PDLIM1: variants seen among roughly 807,000 people sequenced by gnomAD.
The protein encoded by PDLIM1 is PDZ and LIM domain protein 1.
Under a neutral mutation model 35.2 loss-of-function variants are expected in PDLIM1, and 25 were observed. The ratio of observed to expected loss-of-function variants is 0.71; its 90% confidence interval spans 0.52 to 0.99. The LOEUF (loss-of-function observed/expected upper bound fraction) is 0.99. Among genes scored for constraint, PDLIM1 ranks in the 50% least tolerant of loss-of-function variants. The probability of loss-of-function intolerance (pLI) is 0.00; values close to 1 mark genes in which losing one functional copy is unlikely to be tolerated. For synonymous variants in PDLIM1, 152 were observed against 154.0 expected (o/e 0.99, Z 0.10); for missense variants, 363 against 415.3 (o/e 0.87, Z 1.09).
chr10:95,281,093 C>T (rs540959332), intron 1 of PDLIM1, among the ~76,000 whole-genome samples: 3 of 152,188 alleles, frequency 2.0e-5, no homozygotes, highest in Admixed American at 1.3e-4. Flanking sequence ...CTATCTTTTC[C>T]CCTTAAACTC....
intron 5 of PDLIM1, among the ~76,000 whole-genome samples, chr10:95,239,910 T>C (rs2035162322): frequency 6.6e-6 from 1 of 152,134 alleles, no homozygotes; most frequent in Admixed American, 6.5e-5. Context: ...TCACTGATCA[T>C]TAGAGAAATA....
intron 3 of PDLIM1, 94 bp from the exon 4 acceptor site, chr10:95,264,157 AGCT>A: frequency 9.7e-7 from 1 of 1,030,846 alleles, no homozygotes; most frequent in East Asian, 2.5e-5. Context: ...GAGGTGTTCC[AGCT>A]GCTAAGATGG....
At position 95,289,265 on chromosome 10, in the gene PDLIM1, CAAGCATTTATTAAT is replaced by C. The variant is rs548064555; in HGVS notation, c.96+1541_96+1554del. On this transcript the variant is annotated intron_variant, in intron 1 of 6. Coordinates refer to ENST00000329399, the MANE Select transcript of PDLIM1 (RefSeq NM_020992.4). ...GTGCAGACACAATGTCCTCCCTGGACAAGCATTTATTAATAAGCCTGCAAGGATTTACCCAGCCC... is the reference window on the plus strand; with the variant it reads ...GTGCAGACACAATGTCCTCCCTGGACAAGCCTGCAAGGATTTACCCAGCCC... 6.8e-4 allele frequency among the ~76,000 whole-genome samples: 104 copies of C among 152,330 alleles called. 2 individuals carry two copies. The South Asian group carries it at 0.021, about 31-fold the overall frequency.
rs11443591 is a variant in PDLIM1, at chr10:95,269,571, C to CAAA, written c.249-712_249-710dup. On this transcript the variant is annotated intron_variant, in intron 2 of 6. Coordinates refer to ENST00000329399, the MANE Select transcript of PDLIM1 (RefSeq NM_020992.4). Reference sequence around the variant, plus strand: ...TGGGTGACAGAGTGAGACTCCATCCCAAAAAAAAAAAAAAAAGAGAAGAAC... The same window carrying CAAA: ...TGGGTGACAGAGTGAGACTCCATCCCAAAAAAAAAAAAAAAAAAAGAGAAGAAC... Among the ~76,000 whole-genome samples, 67 of 130,318 alleles carry CAAA rather than the reference C, an allele frequency of 5.1e-4. 1 individual carries two copies. The highest frequency in any genetic ancestry group is 1.5e-3 in the African/African-American group (50 of 34,090). The allele number at this position is 130,318 out of a possible 152,430, so 85.5% of individuals were successfully genotyped here. A position where few individuals can be genotyped will look rare whatever the true frequency, so the allele number is the denominator to read the frequency against.
At position 95,290,449 on chromosome 10, in the gene PDLIM1, T is replaced by C. The variant is rs548260922; in HGVS notation, c.96+371A>G. Among the ~76,000 whole-genome samples the C allele has an allele frequency of 5.4e-5, 8 of 147,606 alleles. No homozygotes were observed. In the South Asian group the frequency reaches 1.6e-3, roughly 29 times the overall value. On this transcript the variant is annotated intron_variant, in intron 1 of 6. Transcript: ENST00000329399. The surrounding 1 kb of genome is among the most constrained non-coding windows in gnomAD (Gnocchi z 4.7). ...TGTTGCGTTCGGCTGCACTGCGATC[T>C]GGGAAGAAGGGAGAAGTGCCATCTC...
chr10:95,280,654 T>C (rs1165586079), intron 1 of PDLIM1, among the ~76,000 whole-genome samples: 1 of 152,186 alleles, frequency 6.6e-6, no homozygotes, highest in East Asian at 1.9e-4. Context: ...TGTCAAATGG[T>C]TTAAATGGTT....
At chr10:95,278,456 G>A (rs570514552) in intron 1 of PDLIM1, among the ~76,000 whole-genome samples, 14 of 152,306 alleles carry the variant, frequency 9.2e-5, no homozygotes, top group African/African-American at 3.4e-4. Flanking sequence ...CTCCTGGGGG[G>A]AGACAAGCAT....
rs1034830136 is a variant in PDLIM1, at chr10:95,238,688, G to A, written c.686-3C>T. On this transcript the variant is annotated splice_polypyrimidine_tract_variant and splice_region_variant and intron_variant, in intron 5 of 6. Transcript: ENST00000329399. ...TCCTGAGGGCTTGTTGGGATCCCCT[G>A]AAATGAGGAAAACACTGTCATTGGC... is the stretch of plus-strand genomic sequence containing the variant. 1 of 1,578,484 alleles carries A rather than the reference G, an allele frequency of 6.3e-7. No individual in the cohort carries two copies. The highest frequency in any genetic ancestry group is 8.7e-7 in the Non-Finnish European group (1 of 1,147,756).
rs146364440 is a variant in PDLIM1 at position 95,251,258 on chromosome 10, C to T, written c.534-3892G>A. Among the ~76,000 whole-genome samples the T allele has an allele frequency of 9.5e-4, 144 of 151,108 alleles. 1 individual carries two copies. Among genetic ancestry groups the T allele is most frequent in the African/African-American group, 3.4e-3 (141 of 41,132 alleles). On this transcript the variant is annotated intron_variant, in intron 4 of 6. Transcript: ENST00000329399. The stretch of plus-strand genomic sequence containing the variant: ...GCTTTTTTTTTTTTTTAACTTGGGC[C>T]ATCATCTGTGGCAGCAACTTAATTA...
At chr10:95,257,037 A>AGAAAGAAAGAAAGAAAGAAT (rs1192380541) in intron 4 of PDLIM1, among the ~76,000 whole-genome samples, 8 of 139,462 alleles carry the variant, frequency 5.7e-5, no homozygotes, top group Non-Finnish European at 8.1e-5. Flanking sequence ...AAAGAAAGAA[A>AGAAAGAAAGAAAGAAAGAAT]GAATTCAAAA....
At chr10:95,265,365 C>T (rs1460982377) in intron 3 of PDLIM1, among the ~76,000 whole-genome samples, 4 of 151,952 alleles carry the variant, frequency 2.6e-5, no homozygotes, top group African/African-American at 4.8e-5. Flanking sequence ...GAGGCCGAGG[C>T]GGGCGGATCA....
chr10:95,277,050 C>CA (rs1468389016), intron 1 of PDLIM1, among the ~76,000 whole-genome samples: 1 of 151,476 alleles, frequency 6.6e-6, no homozygotes, highest in Non-Finnish European at 1.5e-5. Flanking sequence ...CCTGTCTCTA[C>CA]AAAATACAAA....
intron 4 of PDLIM1, among the ~76,000 whole-genome samples, chr10:95,253,109 G>T (rs746931902): frequency 2.0e-5 from 3 of 152,022 alleles, no homozygotes; most frequent in Non-Finnish European, 4.4e-5. Context: ...AACAAAGAAA[G>T]AATTTCCAAA....
intron 4 of PDLIM1, among the ~76,000 whole-genome samples, chr10:95,257,959 G>C (rs2035330594): frequency 6.6e-6 from 1 of 152,154 alleles, no homozygotes; most frequent in African/African-American, 2.4e-5. Context: ...GCCAAGACTG[G>C]GCAATTTACA....
At chr10:95,276,524 G>T (rs892390695) in intron 1 of PDLIM1, among the ~76,000 whole-genome samples, 8 of 152,180 alleles carry the variant, frequency 5.3e-5, no homozygotes, top group African/African-American at 1.9e-4. Flanking sequence ...TCCAACACTG[G>T]ATAGTTCCTG....
chr10:95,271,856 T>A, intron 1 of PDLIM1, 72 bp from the exon 2 acceptor site: 1 of 1,422,206 alleles, frequency 7.0e-7, no homozygotes. Context: ...AAGTTAAGTA[T>A]TCACTGATAT....
At chr10:95,277,278 C>T (rs2035520629) in intron 1 of PDLIM1, among the ~76,000 whole-genome samples, 1 of 151,806 alleles carries the variant, frequency 6.6e-6, no homozygotes, top group Admixed American at 6.6e-5. Context: ...CATTGCCAGC[C>T]TTTTTCCCCA....
At chr10:95,279,475 C>T (rs2035541583) in intron 1 of PDLIM1, among the ~76,000 whole-genome samples, 1 of 152,140 alleles carries the variant, frequency 6.6e-6, no homozygotes, top group South Asian at 2.1e-4. Context: ...TTGAGCAGAG[C>T]TTACTGGGTG....
intron 4 of PDLIM1, among the ~76,000 whole-genome samples, chr10:95,258,126 G>A (rs891078023): frequency 1.3e-5 from 2 of 152,090 alleles, no homozygotes; most frequent in African/African-American, 4.8e-5. Context: ...ATCAGATCCT[G>A]TGAGACTTAA....
Sources: gnomAD v4.1 joint callset for allele counts (sites outside exome capture counted in the v4.1 genomes callset) on GRCh38, gnomAD v4.1.1 for gene constraint, Gnocchi (gnomAD v3.1) non-coding constraint, MANE v1.5 for transcripts, NCBI Gene and HGNC (gene_info 2026-07-23, HGNC 2026-07-21) for gene names.